Variants in KIF21B observed in about 807,000 individuals in gnomAD.
KIF21B encodes kinesin-like protein KIF21B.
A neutral mutation model predicts 192.9 loss-of-function variants in KIF21B; 85 were observed. The ratio of observed to expected loss-of-function variants is 0.44; its 90% CI spans 0.37 to 0.53. KIF21B has a LOEUF of 0.53. Ranked by LOEUF, KIF21B falls within the 20% of genes least tolerant of loss-of-function variation. The probability of loss-of-function intolerance (pLI) is 0.00; values close to 1 mark genes in which losing one functional copy is unlikely to be tolerated. For synonymous variants in KIF21B, 832 were observed against 884.6 expected, an observed-to-expected ratio of 0.94 and a Z score of 1.05; for missense variants, 1,716 against 2,194.8, an observed-to-expected ratio of 0.78 and a Z score of 4.36.
chr1:200,986,002 C>G (rs552845628), intron 26 of KIF21B, among the ~76,000 whole-genome samples: 2 of 151,366 alleles, frequency 1.3e-5, no homozygotes, highest in Admixed American at 1.3e-4. Context: ...CACACCACCA[C>G]GCCCAGCCAA....
chr1:201,004,467 A>G lies in KIF21B; in HGVS notation c.901-12T>C. On this transcript the variant is annotated splice_polypyrimidine_tract_variant and intron_variant, in intron 6 of 34. Coordinates refer to ENST00000461742, the MANE Select transcript of KIF21B (RefSeq NM_001252102.2). ...TTGCCCAAGGCCAGCTGTGGGAGAC[A>G]GACCCTGGCACTCAGCAGTCACTCA... 6.4e-7 allele frequency: 1 copy of G among 1,556,590 alleles called. No homozygotes were observed. The highest frequency in any genetic ancestry group is 1.2e-5 in the South Asian group (1 of 84,748).
rs773026448 is a variant in KIF21B, at chr1:200,992,331, T to C, written c.2336A>G (p.Lys779Arg). The C allele has an allele frequency of 9.9e-6, 16 of 1,613,096 alleles. No homozygotes were observed. Among genetic ancestry groups the C allele is most frequent in the Non-Finnish European group, 1.3e-5 (15 of 1,180,044 alleles). The part of the protein sequence containing the change: ...EQQRRRLVET[K>R]RNREIAQLKK... ...GAGCTGTGCGATCTCCCGGTTCCTC[T>C]TGGTCTCCACTAGCCGCCGCCGCTG... is the stretch of plus-strand genomic sequence containing the variant. The change falls in exon 16 of 35, where the codon AAG (lysine) becomes AGG (arginine). Residue 779 changes from lysine (K) to arginine (R), a missense_variant. By Grantham distance (26) the Lys-to-Arg change is conservative (BLOSUM62 2). Transcript: ENST00000461742.
At chr1:201,004,239 T>C in intron 7 of KIF21B, 101 bp downstream of exon 7, 1 of 977,028 alleles carries the variant, frequency 1.0e-6, no homozygotes, top group Non-Finnish European at 1.6e-6. Flanking sequence ...TGGGAAGGCC[T>C]CCTCCTCCTG....
chr1:200,994,049 C>T (rs1282945107), intron 15 of KIF21B, among the ~76,000 whole-genome samples: 1 of 152,128 alleles, frequency 6.6e-6, no homozygotes, highest in Non-Finnish European at 1.5e-5. Flanking sequence ...AGGTGTCTTC[C>T]GGGGTCAGGG....
chr1:200,998,585 C>A lies in KIF21B; in HGVS notation c.1886-10G>T. On this transcript the variant is annotated splice_polypyrimidine_tract_variant and intron_variant, in intron 13 of 34. Coordinates refer to ENST00000461742, the MANE Select transcript of KIF21B (RefSeq NM_001252102.2). The surrounding 1 kb of genome is among the most constrained non-coding windows in gnomAD (Gnocchi z 4.3). ...GCCTGGAAGTTCACCTCTATGGGGG[C>A]ACAATCAGGCTCAGCCCAGCGTTAG... 1.2e-6 allele frequency: 2 copies of A among 1,611,592 alleles called. No homozygotes were observed. The highest frequency in any genetic ancestry group is 1.7e-6 in the Non-Finnish European group (2 of 1,178,694).
chr1:200,988,420 C>T, intron 23 of KIF21B, 67 bp from the exon 24 acceptor site: 4 of 1,610,360 alleles, frequency 2.5e-6, no homozygotes, highest in Admixed American at 3.3e-5. Flanking sequence ...GCCCTGGGAC[C>T]TATGGCAACT....
chr1:200,983,643 A>T (rs1656098919), intron 27 of KIF21B, among the ~76,000 whole-genome samples: 1 of 152,180 alleles, frequency 6.6e-6, no homozygotes, highest in African/African-American at 2.4e-5. Flanking sequence ...AGGCTCCAAG[A>T]CCTGGACCAT....
At position 200,981,004 on chromosome 1, in the gene KIF21B, A is replaced by G. The variant is rs1655874750; in HGVS notation, c.3935T>C (p.Leu1312Pro). 1 of 1,611,416 alleles carries G rather than the reference A, an allele frequency of 6.2e-7. No homozygotes were observed. Among genetic ancestry groups the G allele is most frequent in the Non-Finnish European group, 8.5e-7 (1 of 1,178,928 alleles). Residue 1312 changes from leucine to proline, a missense_variant, in exon 29 of 35, where the codon CTC becomes CCC. By Grantham distance (98) the Leu-to-Pro change is moderately conservative. Transcript: ENST00000461742. ...CAACTCATCTGTGGCATCCAGGCAG[A>G]GGATGGGCTTGGTGTGGCCTTCGGC... ...SMAEGHTKPI[L>P]CLDATDELLF...
Position 200,984,034 on chromosome 1 carries a change from G to GGAGCC in KIF21B, c.3803+820_3803+824dup, listed in dbSNP as rs548738169. On this transcript the variant is annotated intron_variant, in intron 27 of 34. Coordinates refer to ENST00000461742, the MANE Select transcript of KIF21B (RefSeq NM_001252102.2). ...GGGAAGCCTTCAGGGAGCTAAGAGA[G>GGAGCC]GAGCCCTCTTGAGGGCTGCAGAGAG... 3.0e-4 allele frequency among the ~76,000 whole-genome samples: 46 copies of GGAGCC among 152,302 alleles called. No homozygotes were observed. The Middle Eastern group carries it at 0.01, about 34-fold the overall frequency.
chr1:200,983,182 T>C, intron 27 of KIF21B, 88 bp from the exon 28 acceptor site: 1 of 1,138,008 alleles, frequency 8.8e-7, no homozygotes, highest in East Asian at 2.6e-5. Context: ...TGTGGGGTGG[T>C]CAGAGGGCAG....
chr1:200,998,507 C>G lies in KIF21B; in HGVS notation c.1954G>C (p.Glu652Gln), dbSNP rs775864023. The change falls in exon 14 of 35, where the codon GAG becomes CAG. Residue 652 changes from glutamate to glutamine, a missense_variant. This residue lies in a region of KIF21B where 1,087 missense variants were observed against 1,316.6 expected (regional missense o/e 0.83). Coordinates refer to ENST00000461742, the MANE Select transcript of KIF21B (RefSeq NM_001252102.2). The surrounding 1 kb of genome is among the most constrained non-coding windows in gnomAD (Gnocchi z 4.3). ...EIEIKQKLID[E>Q]LENSQRRLQT... ...AACCGCCGCTGGCTGTTCTCCAGCT[C>G]GTCGATCAGCTTCTGCTTGATTTCG... is the stretch of plus-strand genomic sequence containing the variant. 1 of 1,613,972 alleles carries G rather than the reference C, an allele frequency of 6.2e-7. No homozygotes were observed. Among genetic ancestry groups the G allele is most frequent in the South Asian group, 1.1e-5 (1 of 91,078 alleles).
At chr1:200,986,548 A>T (rs1656315982) in intron 26 of KIF21B, among the ~76,000 whole-genome samples, 2 of 151,772 alleles carry the variant, frequency 1.3e-5, no homozygotes, top group Non-Finnish European at 2.9e-5. Context: ...AGTAGAGATG[A>T]TGTTTCACCA....
Position 200,990,714 on chromosome 1 carries a change from G to A in KIF21B, c.2697C>T (p.Phe899=), listed in dbSNP as rs754196573. The A allele has an allele frequency of 1.9e-6, 3 of 1,613,998 alleles. No individual in the cohort carries two copies. The highest frequency in any genetic ancestry group is 1.7e-6 in the Non-Finnish European group (2 of 1,180,018). Residue 899 remains phenylalanine (F), a synonymous_variant, in exon 19 of 35, where the codon TTC becomes TTT. Transcript: ENST00000461742. The surrounding 1 kb of genome is among the most constrained non-coding windows in gnomAD (Gnocchi z 5.4). Reference sequence around the variant, plus strand: ...AGCTCTGGCTGGCCCCCTTCTTCTGGAACTTCTTTCTGGGAGACATAGGCA... The same window carrying A: ...AGCTCTGGCTGGCCCCCTTCTTCTGAAACTTCTTTCTGGGAGACATAGGCA... ...VNGTRPARKK[F]QKKGASQSFS... is the part of the protein sequence containing the mutation.
Position 200,969,593 on chromosome 1 carries a change from T to A in KIF21B, c.*3928A>T, listed in dbSNP as rs1655121268. On this transcript the variant is annotated 3_prime_UTR_variant, in exon 35 of 35. Transcript: ENST00000461742. ...TGAAGCCTGCAGCCTGGGCAGGACATGATTGCTAGAAAAGAGTTGGTGGGC... is the reference window on the plus strand; with the variant it reads ...TGAAGCCTGCAGCCTGGGCAGGACAAGATTGCTAGAAAAGAGTTGGTGGGC... The A allele has an allele frequency of 6.5e-6, 1 of 152,712 alleles. No homozygotes were observed. The highest frequency in any genetic ancestry group is 6.5e-5 in the Admixed American group (1 of 15,280). The allele number at this position is 152,712 out of a possible 1,614,324, so 9.5% of individuals were successfully genotyped here. A position where few individuals can be genotyped will look rare whatever the true frequency, so the allele number is the denominator to read the frequency against.
chr1:200,983,235 G>A, intron 27 of KIF21B, 141 bp from the exon 28 acceptor site: 1 of 725,352 alleles, frequency 1.4e-6, no homozygotes, highest in Admixed American at 2.1e-5. Context: ...GAGGAATGAG[G>A]GCCTCGGGAG....
At chr1:201,004,574 T>A in intron 6 of KIF21B, 119 bp from the exon 7 acceptor site, 1 of 1,134,940 alleles carries the variant, frequency 8.8e-7, no homozygotes, top group South Asian at 1.4e-5. Context: ...CTCTTGCTCC[T>A]TGGGTGGGTT....
In KIF21B at chr1:200,971,993, C is replaced by T. The variant is rs528253759; in HGVS notation, c.*1528G>A. The T allele has an allele frequency of 6.6e-6, 1 of 151,000 alleles. No homozygotes were observed. The highest frequency in any genetic ancestry group is 2.0e-4 in the East Asian group (1 of 5,066). 9.4% of individuals were successfully genotyped at this position (151,000 alleles called of 1,614,324 possible). On this transcript the variant is annotated 3_prime_UTR_variant, in exon 35 of 35. Coordinates refer to ENST00000461742, the MANE Select transcript of KIF21B (RefSeq NM_001252102.2). ...GGGAGGTGGGGCTGGCTCTTGGCTC[C>T]CAGACTGAAGCGGGAAGCACAAGAC...
chr1:200,975,278 G>A lies in KIF21B; in HGVS notation c.4614+221C>T, dbSNP rs1423722101. Among the ~76,000 whole-genome samples the A allele has an allele frequency of 6.6e-6, 1 of 152,218 alleles. No homozygotes were observed. Among genetic ancestry groups the A allele is most frequent in the African/African-American group, 2.4e-5 (1 of 41,468 alleles). ...GAGAGCAAAGGCTTTGCTGAGAGCA[G>A]GTTGCCTAAGAGGGAGATGTGGCAT... On this transcript the variant is annotated intron_variant, in intron 33 of 34. Transcript: ENST00000461742. This position sits in a 1 kb window ranked among gnomAD's most constrained non-coding sequence, Gnocchi z 4.3.
rs370606334 is a variant in KIF21B, at chr1:200,990,696, G to C, written c.2715C>G (p.Ser905Arg). 6 of 1,614,062 alleles carry C rather than the reference G, an allele frequency of 3.7e-6. No homozygotes were observed. The African/African-American group carries it at 8.0e-5, about 22-fold the overall frequency. Residue 905 changes from serine (S) to arginine (R), a missense_variant, in exon 19 of 35, where the codon AGC (serine) becomes AGG (arginine). This residue lies in a region of KIF21B where 1,087 missense variants were observed against 1,316.6 expected (regional missense o/e 0.83). Coordinates refer to ENST00000461742, the MANE Select transcript of KIF21B (RefSeq NM_001252102.2). This position sits in a 1 kb window ranked among gnomAD's most constrained non-coding sequence, Gnocchi z 5.4. Reference protein sequence around the residue: ...ARKKFQKKGASQSFSKAARLK... With the variant: ...ARKKFQKKGARQSFSKAARLK... ...GCCTTGCCGCCTTACTGAAGCTCTG[G>C]CTGGCCCCCTTCTTCTGGAACTTCT...
Sources: allele counts gnomAD v4.1 joint callset (sites outside exome capture counted in the v4.1 genomes callset), GRCh38; gene constraint gnomAD v4.1.1; regional missense constraint gnomAD v4.1.1; non-coding constraint Gnocchi (gnomAD v3.1); transcripts MANE v1.5; gene names NCBI Gene and HGNC (gene_info 2026-07-23, HGNC 2026-07-21).